The following COX7A2L variants were observed in gnomAD, a reference collection of about 807,000 sequenced individuals.
The protein encoded by COX7A2L is cytochrome c oxidase subunit 7A2 like.
Under a neutral mutation model 14.2 loss-of-function variants are expected in COX7A2L, and 18 were observed. That is an observed-to-expected ratio of 1.27 (90% CI 0.88 to 1.88). The LOEUF (loss-of-function observed/expected upper bound fraction) is 1.88. Ranked by LOEUF, COX7A2L falls within the 40% of genes most tolerant of loss-of-function variation. The pLI is 0.00. For missense variants in COX7A2L, 179 were observed against 138.8 expected (o/e 1.29, Z -1.46); for synonymous variants, 65 against 57.4 (o/e 1.13, Z -0.60).
intron 2 of COX7A2L, among the ~76,000 whole-genome samples, chr2:42,352,403 C>T (rs1449128864): frequency 2.0e-5 from 3 of 152,168 alleles, no homozygotes; most frequent in Admixed American, 1.3e-4. Flanking sequence ...CTACCTTGGC[C>T]TCCCAAAGTG....
chr2:42,345,535 A>T (rs2041354), downstream of COX7A2L, among the ~76,000 whole-genome samples: 92,449 of 151,950 alleles, frequency 0.61, 28,721 homozygotes, highest in East Asian at 0.74. Context: ...ATATTTGCAC[A>T]TATTCCTACA....
chr2:42,344,581 G>A (rs1047392335), downstream of COX7A2L, among the ~76,000 whole-genome samples: 49 of 152,332 alleles, frequency 3.2e-4, no homozygotes, highest in East Asian at 1.2e-3. Context: ...GGCCCGGCGC[G>A]GTGGCTCACG....
intron 1 of COX7A2L, among the ~76,000 whole-genome samples, chr2:42,353,651 T>C (rs1670722930): frequency 6.6e-6 from 1 of 152,196 alleles, no homozygotes; most frequent in African/African-American, 2.4e-5. Flanking sequence ...CTGCCATTTT[T>C]TTCTTCTAAA....
intron 1 of COX7A2L, among the ~76,000 whole-genome samples, chr2:42,356,917 G>A (rs908552630): frequency 1.3e-5 from 2 of 152,150 alleles, no homozygotes; most frequent in Admixed American, 6.5e-5. Context: ...CAGAGACTCT[G>A]TCTCAAAATA....
chr2:42,357,776 C>T (rs1670873461), intron 1 of COX7A2L, among the ~76,000 whole-genome samples: 1 of 152,156 alleles, frequency 6.6e-6, no homozygotes, highest in South Asian at 2.1e-4. Flanking sequence ...CCCTCCTCAT[C>T]CCCAACATCT....
In COX7A2L at chr2:42,339,385, G is replaced by C. The variant is rs1670352860; in HGVS notation, c.193-5516C>G. Among the ~76,000 whole-genome samples the C allele has an allele frequency of 6.6e-6, 1 of 152,166 alleles. No homozygotes were observed. The highest frequency in any genetic ancestry group is 1.5e-5 in the Non-Finnish European group (1 of 68,026). ...CACACCACTCACTCGAAGCATGAGA[G>C]ACACACACTAGTGGTGAACCAAGAG... On this transcript the variant is annotated intron_variant, in intron 2 of 2. Transcript: ENST00000468711. This position sits in a 1 kb window ranked among gnomAD's most constrained non-coding sequence, Gnocchi z 5.4.
intron 2 of COX7A2L, 121 bp downstream of exon 2, chr2:42,353,091 A>C (rs1670697523): frequency 8.3e-7 from 1 of 1,203,848 alleles, no homozygotes; most frequent in Non-Finnish European, 1.2e-6. Context: ...AATCAAGAGA[A>C]TACTACTTAA....
chr2:42,341,037 G>A (rs1485576897), intron 2 of COX7A2L, among the ~76,000 whole-genome samples: 1 of 120,324 alleles, frequency 8.3e-6, no homozygotes, highest in East Asian at 4.3e-4. Flanking sequence ...CCCCACGCTG[G>A]CTTAGAGATT....
rs1462499298 is a variant in COX7A2L at position 42,342,964 on chromosome 2, C to G, written c.193-9095G>C. ...CAGAGGTCAGGAGGCCTGATTCCAGCTTATGCAAGTGACAGTGGCTGATGG... is the reference window on the plus strand; with the variant it reads ...CAGAGGTCAGGAGGCCTGATTCCAGGTTATGCAAGTGACAGTGGCTGATGG... On this transcript the variant is annotated intron_variant, in intron 2 of 2. Transcript: ENST00000468711. The surrounding 1 kb of genome is among the most constrained non-coding windows in gnomAD (Gnocchi z 4.9). 2.0e-5 allele frequency among the ~76,000 whole-genome samples: 3 copies of G among 152,110 alleles called. No individual in the cohort carries two copies. The highest frequency in any genetic ancestry group is 2.9e-5 in the Non-Finnish European group (2 of 68,022).
chr2:42,345,293 T>G (rs975829039), downstream of COX7A2L, among the ~76,000 whole-genome samples: 6 of 151,468 alleles, frequency 4.0e-5, no homozygotes, highest in Non-Finnish European at 5.9e-5. Flanking sequence ...TGAGGCAGGA[T>G]AATCACTTGA....
chr2:42,335,647 C>G (rs12613284), intron 2 of COX7A2L, among the ~76,000 whole-genome samples: 91,488 of 152,200 alleles, frequency 0.6, 28,100 homozygotes, highest in East Asian at 0.75. Flanking sequence ...TTGAGGTACA[C>G]AGAAGCCGAC....
downstream of COX7A2L, among the ~76,000 whole-genome samples, chr2:42,346,650 A>G (rs1159542465): frequency 6.6e-6 from 1 of 151,884 alleles, no homozygotes; most frequent in Admixed American, 6.6e-5. Flanking sequence ...CTATTGTCCC[A>G]CTACTTAGGA....
chr2:42,360,222 G>A (rs1670977855), intron 1 of COX7A2L, among the ~76,000 whole-genome samples: 1 of 152,162 alleles, frequency 6.6e-6, no homozygotes, highest in Non-Finnish European at 1.5e-5. Flanking sequence ...GACAGCTTCT[G>A]GTGAACAGTT....
upstream of COX7A2L, among the ~76,000 whole-genome samples, chr2:42,363,554 G>A (rs1273246466): frequency 6.6e-6 from 1 of 152,214 alleles, no homozygotes; most frequent in Non-Finnish European, 1.5e-5. Flanking sequence ...TCCTGAAAAT[G>A]TTACAACAGC....
chr2:42,351,017 A>C lies in COX7A2L; in HGVS notation c.*202T>G, dbSNP rs1670623863. 3.8e-6 allele frequency: 2 copies of C among 528,334 alleles called. No individual in the cohort carries two copies. The highest frequency in any genetic ancestry group is 5.2e-4 in the Middle Eastern group (1 of 1,928). The allele number at this position is 528,334 out of a possible 1,614,324, so 32.7% of individuals were successfully genotyped here. A position where few individuals can be genotyped will look rare whatever the true frequency, so the allele number is the denominator to read the frequency against. On this transcript the variant is annotated 3_prime_UTR_variant, in exon 3 of 3. Transcript: ENST00000234301. ...ACACAGAGCAAAGCACCATTTCTTT[A>C]AACAATGGCTTTAACTGTCGAATGA...
rs549741121 is a variant in COX7A2L at position 42,338,670 on chromosome 2, C to G, written c.193-4801G>C. On this transcript the variant is annotated intron_variant, in intron 2 of 2. Coordinates refer to the COX7A2L transcript ENST00000468711. The surrounding 1 kb of genome is among the most constrained non-coding windows in gnomAD (Gnocchi z 4.4). ...ACTCCATCCCCACCTGGCGGTCAGC[C>G]TGTCGAGGGGCCAGTGAGGAATCTG... is the stretch of plus-strand genomic sequence containing the variant. 4.6e-3 allele frequency among the ~76,000 whole-genome samples: 696 copies of G among 152,274 alleles called. 2 individuals are homozygous for G. The highest frequency in any genetic ancestry group is 8.3e-3 in the Non-Finnish European group (566 of 68,028).
chr2:42,351,777 C>A (rs555481502), intron 2 of COX7A2L, among the ~76,000 whole-genome samples: 1 of 152,242 alleles, frequency 6.6e-6, no homozygotes, highest in East Asian at 1.9e-4. Context: ...AGTTCAAGAC[C>A]AGCCTGGGCA....
At chr2:42,341,247 T>C (rs1344542092) in intron 2 of COX7A2L, among the ~76,000 whole-genome samples, 2 of 152,132 alleles carry the variant, frequency 1.3e-5, no homozygotes, top group Non-Finnish European at 2.9e-5. Flanking sequence ...AGACAGGCCC[T>C]GATGAGAACT....
At chr2:42,362,885 A>C (rs1486051843), upstream of COX7A2L, among the ~76,000 whole-genome samples, 1 of 137,892 alleles carries the variant, frequency 7.3e-6, no homozygotes, top group African/African-American at 2.8e-5. Flanking sequence ...TTTTTTTTTA[A>C]ATTCTTTTTG....
Sources: allele counts gnomAD v4.1 joint callset (sites outside exome capture counted in the v4.1 genomes callset), GRCh38; gene constraint gnomAD v4.1.1; non-coding constraint Gnocchi (gnomAD v3.1); transcripts MANE v1.5; gene names NCBI Gene and HGNC (gene_info 2026-07-23, HGNC 2026-07-21).